Variants in FAM81B observed in about 807,000 individuals in gnomAD.
The protein encoded by FAM81B is family with sequence similarity 81 member B.
FAM81B carries 60 observed loss-of-function variants against 58.7 expected under a neutral mutation model. The observed-to-expected ratio is 1.02, with a 90% CI of 0.83 to 1.27. The LOEUF is 1.27. Among genes scored for constraint, FAM81B ranks in the 50% most tolerant of loss-of-function variants. The pLI is 0.00. For missense variants in FAM81B, 491 were observed against 522.0 expected, an observed-to-expected ratio of 0.94 and a Z score of 0.58; for synonymous variants, 189 against 179.6, an observed-to-expected ratio of 1.05 and a Z score of -0.42.
chr5:95,427,374 A>G (rs903089381), intron 5 of FAM81B, among the ~76,000 whole-genome samples: 6 of 152,176 alleles, frequency 3.9e-5, no homozygotes, highest in Admixed American at 1.3e-4. Flanking sequence ...TTTTGTGCGT[A>G]CCATCCTGCT....
intron 8 of FAM81B, 64 bp from the exon 9 acceptor site, chr5:95,448,205 T>C: frequency 7.0e-7 from 1 of 1,430,222 alleles, no homozygotes. Flanking sequence ...AAAAATATTT[T>C]CTCTAAGCTG....
Position 95,420,281 on chromosome 5 carries a change from C to A in FAM81B, c.538-3C>A, listed in dbSNP as rs1394529437. ...TAATGGGAAATTTGACTCAAAATTA[C>A]AGATTTTAGAAGACCAAATAAGAGC... On this transcript the variant is annotated splice_polypyrimidine_tract_variant and splice_region_variant and intron_variant, in intron 4 of 9. Transcript: ENST00000283357. 1.1e-5 allele frequency: 17 copies of A among 1,613,320 alleles called. No homozygotes were observed. The highest frequency in any genetic ancestry group is 1.4e-5 in the Non-Finnish European group (17 of 1,179,612).
chr5:95,414,197 C>T lies in FAM81B; in HGVS notation c.537+7C>T, dbSNP rs1762478623. ...ACTCAGCCAAAATATTGAGGTAGTT[C>T]TCTTTTTGTTTTATTTTGTTTTTGT... On this transcript the variant is annotated splice_region_variant and intron_variant, in intron 4 of 9. Transcript: ENST00000283357. 6.3e-7 allele frequency: 1 copy of T among 1,587,368 alleles called. No individual in the cohort carries two copies. Among genetic ancestry groups the T allele is most frequent in the Non-Finnish European group, 8.6e-7 (1 of 1,168,142 alleles).
intron 2 of FAM81B, among the ~76,000 whole-genome samples, chr5:95,393,152 A>G (rs537836291): frequency 5.9e-5 from 9 of 152,362 alleles, no homozygotes; most frequent in African/African-American, 2.2e-4. Context: ...TGTATGTTTT[A>G]TGATGATTCA....
At chr5:95,426,642 T>G (rs902756672) in intron 5 of FAM81B, among the ~76,000 whole-genome samples, 1 of 152,172 alleles carries the variant, frequency 6.6e-6, no homozygotes, top group Admixed American at 6.5e-5. Context: ...AATCACGTGT[T>G]TCTGGCACTC....
At chr5:95,436,491 TAAAC>T (rs1329693594) in intron 6 of FAM81B, among the ~76,000 whole-genome samples, 1 of 152,174 alleles carries the variant, frequency 6.6e-6, no homozygotes, top group Admixed American at 6.5e-5. Context: ...AACAGACTAA[TAAAC>T]AAACTAATGG....
intron 6 of FAM81B, among the ~76,000 whole-genome samples, chr5:95,430,663 T>G (rs1279422585): frequency 6.6e-6 from 1 of 152,076 alleles, no homozygotes; most frequent in African/African-American, 2.4e-5. Context: ...TATAGATATA[T>G]CTGTAGAATA....
In FAM81B at chr5:95,420,399, C is replaced by T. The variant is rs1425201894; in HGVS notation, c.653C>T (p.Ala218Val). ...GTTGGAGATCTTCGAGGAAGAGTAGCCAGGTGAGAAGAAGCATGTTGACTA... is the reference window on the plus strand; with the variant it reads ...GTTGGAGATCTTCGAGGAAGAGTAGTCAGGTGAGAAGAAGCATGTTGACTA... ...QGVGDLRGRV[A>V]RCDSSIVKLS... Residue 218 changes from alanine (A) to valine (V), a missense_variant, in exon 5 of 10, where the codon GCC becomes GTC. Ala to Val is a moderately conservative substitution (Grantham distance 64). Transcript: ENST00000283357. 1 of 1,613,434 alleles carries T rather than the reference C, an allele frequency of 6.2e-7. No homozygotes were observed.
chr5:95,396,709 C>T (rs1761975386), intron 3 of FAM81B: 1 of 152,230 alleles, frequency 6.6e-6, no homozygotes, highest in African/African-American at 2.4e-5. Flanking sequence ...GTCCAAAATA[C>T]CCAAGGATGC....
At position 95,410,561 on chromosome 5, in the gene FAM81B, G is replaced by T. The variant is rs144438873; in HGVS notation, c.294-3386G>T. On this transcript the variant is annotated intron_variant, in intron 3 of 9. Transcript: ENST00000283357. ...TGGCTCATGCAATGGGAACAAGCAT[G>T]AATTATTTGGCCTTGGCTTTTTATG... Among the ~76,000 whole-genome samples the T allele has an allele frequency of 4.5e-3, 683 of 152,254 alleles. 4 individuals carry two copies. The highest frequency in any genetic ancestry group is 0.016 in the African/African-American group (653 of 41,540).
At chr5:95,426,658 G>A (rs1762839089) in intron 5 of FAM81B, among the ~76,000 whole-genome samples, 1 of 152,200 alleles carries the variant, frequency 6.6e-6, no homozygotes, top group African/African-American at 2.4e-5. Context: ...CACTCCTGGA[G>A]TCGTGTGGTA....
At chr5:95,402,923 C>T (rs916387557) in intron 3 of FAM81B, among the ~76,000 whole-genome samples, 2 of 152,206 alleles carry the variant, frequency 1.3e-5, no homozygotes, top group African/African-American at 4.8e-5. Flanking sequence ...AATTAGAACA[C>T]TCGGTTGGTA....
chr5:95,419,005 T>C (rs1762610067), intron 4 of FAM81B, among the ~76,000 whole-genome samples: 1 of 152,192 alleles, frequency 6.6e-6, no homozygotes, highest in African/African-American at 2.4e-5. Context: ...CAGGTAGCTA[T>C]ATACCTTTAC....
rs1004161551 is a variant in FAM81B at position 95,428,614 on chromosome 5, G to A, written c.668G>A (p.Ser223Asn). The change falls in exon 6 of 10, where the codon AGC becomes AAC. Residue 223 changes from serine to asparagine, a missense_variant. Transcript: ENST00000283357. ...CATCTTGCCATTAGATGTGATTCAA[G>A]CATTGTGAAGCTTTCTGGAGACATT... Reference protein sequence around the residue: ...LRGRVARCDSSIVKLSGDIHL... With the variant: ...LRGRVARCDSNIVKLSGDIHL... The A allele has an allele frequency of 6.8e-6, 11 of 1,613,764 alleles. No individual in the cohort carries two copies. In the Admixed American group the frequency reaches 8.3e-5, roughly 12 times the overall value.
At chr5:95,443,597 G>A (rs567552864) in intron 7 of FAM81B, among the ~76,000 whole-genome samples, 1 of 152,058 alleles carries the variant, frequency 6.6e-6, no homozygotes, top group African/African-American at 2.4e-5. Flanking sequence ...AATATATTAT[G>A]GCAAATCATG....
chr5:95,446,311 G>A (rs1042675981), intron 7 of FAM81B, among the ~76,000 whole-genome samples: 4 of 152,152 alleles, frequency 2.6e-5, no homozygotes, highest in African/African-American at 9.7e-5. Context: ...CCAGCCAGCA[G>A]TGCTCCTGTC....
At chr5:95,434,300 C>CT (rs1446713541) in intron 6 of FAM81B, among the ~76,000 whole-genome samples, 1 of 152,134 alleles carries the variant, frequency 6.6e-6, no homozygotes, top group Non-Finnish European at 1.5e-5. Flanking sequence ...TCCTGAGGTC[C>CT]TTGCAGGCTG....
chr5:95,398,901 G>A (rs1335861363), intron 3 of FAM81B, among the ~76,000 whole-genome samples: 2 of 152,162 alleles, frequency 1.3e-5, no homozygotes, highest in Non-Finnish European at 2.9e-5. Flanking sequence ...AGGGTGAAAA[G>A]GAGGGAAATA....
At chr5:95,414,669 T>C (rs889194551) in intron 4 of FAM81B, among the ~76,000 whole-genome samples, 4 of 152,320 alleles carry the variant, frequency 2.6e-5, no homozygotes, top group African/African-American at 7.2e-5. Context: ...AAACACATTC[T>C]GGCCTTGGGG....
Sources: allele counts gnomAD v4.1 joint callset (sites outside exome capture counted in the v4.1 genomes callset), GRCh38; gene constraint gnomAD v4.1.1; transcripts MANE v1.5; gene names NCBI Gene and HGNC (gene_info 2026-07-23, HGNC 2026-07-21).